KIDINS220: variants seen among roughly 807,000 people sequenced by gnomAD.
KIDINS220 encodes the protein kinase D interacting substrate 220.
In KIDINS220, 63 loss-of-function variants were observed where a neutral mutation model predicts 157.6. The observed-to-expected ratio is 0.40, with a 90% CI of 0.33 to 0.49. The LOEUF (loss-of-function observed/expected upper bound fraction) is 0.49. Among genes scored for constraint, KIDINS220 ranks in the 20% least tolerant of loss-of-function variants. KIDINS220 has a pLI of 0.66. For missense variants in KIDINS220, 1,772 were observed against 2,171.2 expected (o/e 0.82, Z 3.65); for synonymous variants, 732 against 783.6 (o/e 0.93, Z 1.10).
At chr2:8,793,781 C>A in intron 12 of KIDINS220, 29 bp downstream of exon 12, 1 of 1,546,178 alleles carries the variant, frequency 6.5e-7, no homozygotes, top group South Asian at 1.2e-5. Flanking sequence ...TATTTAAAAG[C>A]TCAGTTAGGA....
At chr2:8,790,087 A>ATTC (rs1270241078) in intron 13 of KIDINS220, 28 bp from the exon 14 acceptor site, 2 of 1,563,632 alleles carry the variant, frequency 1.3e-6, no homozygotes, top group Non-Finnish European at 1.7e-6. Flanking sequence ...ACGAAACCTT[A>ATTC]TTCCTGTTTT....
At chr2:8,737,119 T>G (rs1664988676) in intron 26 of KIDINS220, 120 bp from the exon 27 acceptor site, 2 of 962,298 alleles carry the variant, frequency 2.1e-6, no homozygotes, top group Non-Finnish European at 3.0e-6. Context: ...AAAAAACAAA[T>G]ATGTTTAGCA....
downstream of KIDINS220, chr2:8,724,269 G>A (rs962356441): frequency 6.6e-6 from 1 of 152,208 alleles, no homozygotes. The surrounding 1 kb of genome is among the most constrained non-coding windows in gnomAD (Gnocchi z 4.6). Context: ...TATTTTATGA[G>A]ACGGAGTCTC....
chr2:8,818,289 C>G (rs947877954), intron 3 of KIDINS220, among the ~76,000 whole-genome samples: 1 of 151,978 alleles, frequency 6.6e-6, no homozygotes, highest in Non-Finnish European at 1.5e-5. Flanking sequence ...GAAATGTAAC[C>G]GTGTGGAATG....
chr2:8,799,586 TC>T (rs1674418399), intron 9 of KIDINS220, among the ~76,000 whole-genome samples: 1 of 152,256 alleles, frequency 6.6e-6, no homozygotes, highest in Non-Finnish European at 1.5e-5. Context: ...TCTTGTGGCT[TC>T]ACTTTTTATG....
chr2:8,833,938 G>A (rs552512414), intron 1 of KIDINS220, among the ~76,000 whole-genome samples: 19 of 152,190 alleles, frequency 1.2e-4, no homozygotes, highest in Middle Eastern at 3.4e-3. Flanking sequence ...ACTTTTCTCC[G>A]GTTACAGACA....
chr2:8,735,897 A>C (rs1664789581), intron 27 of KIDINS220, among the ~76,000 whole-genome samples: 1 of 152,190 alleles, frequency 6.6e-6, no homozygotes, highest in South Asian at 2.1e-4. Context: ...CACTACCCCG[A>C]TGGGAACAAA....
chr2:8,727,710 A>G (rs989965560), downstream of KIDINS220, among the ~76,000 whole-genome samples: 2 of 152,278 alleles, frequency 1.3e-5, no homozygotes, highest in Non-Finnish European at 2.9e-5. Flanking sequence ...TTCATTTAAA[A>G]TTACTTGGCT....
intron 15 of KIDINS220, among the ~76,000 whole-genome samples, chr2:8,787,256 T>G (rs1672542794): frequency 6.6e-6 from 1 of 152,092 alleles, no homozygotes; most frequent in Admixed American, 6.5e-5. Context: ...TACTTAAAAG[T>G]TTTTACCTTT....
At chr2:8,724,954 A>G (rs1663182572), downstream of KIDINS220, 1 of 152,186 alleles carries the variant, frequency 6.6e-6, no homozygotes, top group Non-Finnish European at 1.5e-5. This position sits in a 1 kb window ranked among gnomAD's most constrained non-coding sequence, Gnocchi z 4.6. Flanking sequence ...CTGAATGTCC[A>G]CTGGCTTTCT....
In KIDINS220 at chr2:8,800,409, A is replaced by C. The variant is rs1338029670; in HGVS notation, c.891T>G (p.Ile297Met). The change falls in exon 9 of 30, where the codon ATT becomes ATG. Residue 297 changes from isoleucine to methionine, a missense_variant. Physicochemically the swap from Ile to Met is conservative, Grantham distance 10 (BLOSUM62 1). Around this residue, in one of 3 missense-constraint regions of KIDINS220, gnomAD observed 725 missense variants for 1,017.1 expected, o/e 0.71. Transcript: ENST00000256707. ...CTGTAATCACACATACCTGTCCTCT[A>C]ATGTCTATATCAGCATATTTTTGGA... is the stretch of plus-strand genomic sequence containing the variant. ...ALLQKYADID[I>M]RGQDNKTALY... The C allele has an allele frequency of 1.2e-6, 2 of 1,608,454 alleles. No individual in the cohort carries two copies.
chr2:8,781,153 A>ATATATTATATATATAT (rs70946383), intron 17 of KIDINS220, among the ~76,000 whole-genome samples: 1 of 130,410 alleles, frequency 7.7e-6, no homozygotes, highest in African/African-American at 2.8e-5. Context: ...ATATATATAT[A>ATATATTATATATATAT]ATATATATAT....
chr2:8,755,089 G>C (rs893711619), intron 22 of KIDINS220, among the ~76,000 whole-genome samples: 1 of 152,184 alleles, frequency 6.6e-6, no homozygotes, highest in African/African-American at 2.4e-5. Flanking sequence ...ACAGCCACTT[G>C]GCATTGCAGC....
At chr2:8,835,605 G>A (rs1333351452) in intron 1 of KIDINS220, among the ~76,000 whole-genome samples, 2 of 145,040 alleles carry the variant, frequency 1.4e-5, no homozygotes, top group Non-Finnish European at 3.0e-5. Flanking sequence ...GCTGCAGTGA[G>A]CCAAGATCAC....
chr2:8,751,742 CTTGGTCTGATGGAT>C (rs1445065550), intron 22 of KIDINS220, 98 bp from the exon 23 acceptor site: 2 of 818,480 alleles, frequency 2.4e-6, no homozygotes, highest in African/African-American at 3.5e-5. Flanking sequence ...AATTACACAT[CTTGGTCTGATGGAT>C]TTGGTCTAAT....
At chr2:8,781,153 A>ATATATATATATAATATAT (rs70946383) in intron 17 of KIDINS220, among the ~76,000 whole-genome samples, 5,546 of 130,246 alleles carry the variant, frequency 0.043, 180 homozygotes, top group Non-Finnish European at 0.059. Flanking sequence ...ATATATATAT[A>ATATATATATATAATATAT]ATATATATAT....
At chr2:8,797,370 G>A (rs1205245774) in intron 10 of KIDINS220, among the ~76,000 whole-genome samples, 1 of 152,106 alleles carries the variant, frequency 6.6e-6, no homozygotes, top group Non-Finnish European at 1.5e-5. Context: ...CCAAAGGAAG[G>A]GAAACAAGAA....
intron 4 of KIDINS220, among the ~76,000 whole-genome samples, chr2:8,816,274 T>C (rs1428499078): frequency 6.6e-6 from 1 of 152,220 alleles, no homozygotes; most frequent in Non-Finnish European, 1.5e-5. Flanking sequence ...TGCTGATCTA[T>C]GTAAAACAAT....
chr2:8,763,618 G>C (rs918348244), intron 22 of KIDINS220, among the ~76,000 whole-genome samples: 2 of 152,146 alleles, frequency 1.3e-5, no homozygotes, highest in African/African-American at 4.8e-5. Context: ...ATAAATATTT[G>C]TTTAATAAAT....
Sources: allele counts gnomAD v4.1 joint callset (sites outside exome capture counted in the v4.1 genomes callset), GRCh38; gene constraint gnomAD v4.1.1; regional missense constraint gnomAD v4.1.1; non-coding constraint Gnocchi (gnomAD v3.1); transcripts MANE v1.5; gene names NCBI Gene and HGNC (gene_info 2026-07-23, HGNC 2026-07-21).